The following AUTS2 variants were observed in gnomAD, a reference collection of about 807,000 sequenced individuals.
The protein encoded by AUTS2 is autism susceptibility gene 2 protein.
AUTS2 carries 17 observed loss-of-function variants against 112.4 expected under a neutral mutation model. That is an observed-to-expected ratio of 0.15 (90% CI 0.10 to 0.23). The LOEUF is 0.23. AUTS2 is among the 10% of genes least tolerant of loss of function. The pLI is 1.00. For missense variants in AUTS2, 1,510 were observed against 1,701.6 expected, an observed-to-expected ratio of 0.89 and a Z score of 1.98; for synonymous variants, 751 against 702.7, an observed-to-expected ratio of 1.07 and a Z score of -1.09.
intron 2 of AUTS2, among the ~76,000 whole-genome samples, chr7:70,110,256 C>T (rs1471251063): frequency 6.6e-6 from 1 of 152,210 alleles, no homozygotes; most frequent in Admixed American, 6.5e-5. Context: ...TGGCTCACGC[C>T]AGTAATCCCA....
chr7:69,640,305 C>G (rs760965132), intron 1 of AUTS2, among the ~76,000 whole-genome samples: 12 of 152,222 alleles, frequency 7.9e-5, no homozygotes, highest in Middle Eastern at 3.2e-3. Context: ...ACTTCTTGAT[C>G]TCCCCAGCCG....
chr7:69,814,510 C>CAGT (rs1200273267), intron 1 of AUTS2, among the ~76,000 whole-genome samples: 2 of 152,212 alleles, frequency 1.3e-5, no homozygotes, highest in Non-Finnish European at 2.9e-5. Context: ...CCCGCTGTAC[C>CAGT]AGTGGCCAGC....
At chr7:70,216,250 T>TG (rs1231367066) in intron 4 of AUTS2, among the ~76,000 whole-genome samples, 1 of 152,216 alleles carries the variant, frequency 6.6e-6, no homozygotes, top group Non-Finnish European at 1.5e-5. Context: ...ATGTTTAATC[T>TG]GGACAGAGTG....
chr7:70,404,301 T>C (rs1794443746), intron 4 of AUTS2, among the ~76,000 whole-genome samples: 1 of 152,218 alleles, frequency 6.6e-6, no homozygotes, highest in Non-Finnish European at 1.5e-5. Context: ...TGCTGGCTTG[T>C]CATCCAGTTT....
At chr7:70,303,029 G>T (rs1193603397) in intron 4 of AUTS2, among the ~76,000 whole-genome samples, 1 of 151,696 alleles carries the variant, frequency 6.6e-6, no homozygotes, top group African/African-American at 2.4e-5. Flanking sequence ...TGGCTGTGCA[G>T]AAGAGTTTAT....
At chr7:70,653,463 C>T (rs1401604457) in intron 5 of AUTS2, among the ~76,000 whole-genome samples, 1 of 152,134 alleles carries the variant, frequency 6.6e-6, no homozygotes, top group Admixed American at 6.5e-5. Flanking sequence ...AGTGGTTTGC[C>T]ACCATTACCA....
At chr7:69,614,249 A>T (rs991445497) in intron 1 of AUTS2, among the ~76,000 whole-genome samples, 2 of 152,126 alleles carry the variant, frequency 1.3e-5, no homozygotes, top group Non-Finnish European at 2.9e-5. Context: ...TGAATTTTCT[A>T]AAGATTTCTA....
chr7:70,311,157 C>T (rs1789731389), intron 4 of AUTS2, among the ~76,000 whole-genome samples: 1 of 152,164 alleles, frequency 6.6e-6, no homozygotes, highest in South Asian at 2.1e-4. Flanking sequence ...ATGGGACTTA[C>T]AAAGCCTATT....
intron 2 of AUTS2, among the ~76,000 whole-genome samples, chr7:70,044,727 A>G (rs1801424043): frequency 6.6e-6 from 1 of 152,214 alleles, no homozygotes. Flanking sequence ...TCATGTTGAT[A>G]GAGTCAGATT....
intron 1 of AUTS2, among the ~76,000 whole-genome samples, chr7:69,640,542 C>T (rs1794756701): frequency 6.6e-6 from 1 of 152,202 alleles, no homozygotes; most frequent in African/African-American, 2.4e-5. Flanking sequence ...TATTCCTTAC[C>T]TTCCATAGAA....
intron 2 of AUTS2, among the ~76,000 whole-genome samples, chr7:69,999,344 A>G (rs1255366554): frequency 2.0e-5 from 3 of 152,182 alleles, no homozygotes; most frequent in East Asian, 1.9e-4. Context: ...TTTAGGAAAC[A>G]TGCTTCATCT....
chr7:70,352,568 C>T (rs895502919), intron 4 of AUTS2, among the ~76,000 whole-genome samples: 1 of 151,988 alleles, frequency 6.6e-6, no homozygotes, highest in Non-Finnish European at 1.5e-5. Flanking sequence ...AGGAGGGAGT[C>T]AGCAGCAACA....
chr7:70,495,795 C>T (rs1169805873), intron 5 of AUTS2, among the ~76,000 whole-genome samples: 1 of 129,186 alleles, frequency 7.7e-6, no homozygotes, highest in Non-Finnish European at 1.6e-5. Flanking sequence ...CACACACACC[C>T]CACACATGCA....
intron 1 of AUTS2, among the ~76,000 whole-genome samples, chr7:69,674,143 A>G (rs1485782335): frequency 6.6e-6 from 1 of 152,224 alleles, no homozygotes; most frequent in Admixed American, 6.5e-5. Flanking sequence ...CAAGCCTGAA[A>G]AGAGTGCCAT....
chr7:70,512,430 G>A (rs1452670247), intron 5 of AUTS2, among the ~76,000 whole-genome samples: 4 of 152,102 alleles, frequency 2.6e-5, no homozygotes, highest in Admixed American at 6.6e-5. Flanking sequence ...AAAATTACCC[G>A]GGGGCCAGAA....
chr7:70,432,439 T>A (rs1317612016), intron 4 of AUTS2, among the ~76,000 whole-genome samples: 1 of 152,146 alleles, frequency 6.6e-6, no homozygotes, highest in African/African-American at 2.4e-5. Flanking sequence ...AGCTATACAG[T>A]GTATTAAATG....
chr7:69,918,863 T>C (rs1795696295), intron 2 of AUTS2, among the ~76,000 whole-genome samples: 1 of 152,214 alleles, frequency 6.6e-6, no homozygotes, highest in African/African-American at 2.4e-5. Flanking sequence ...CATTCCTTTT[T>C]GAAAAGCTTT....
intron 5 of AUTS2, among the ~76,000 whole-genome samples, chr7:70,514,675 G>A (rs529611307): frequency 5.6e-4 from 85 of 152,248 alleles, no homozygotes; most frequent in Middle Eastern, 6.8e-3. Flanking sequence ...CATCCAAAGC[G>A]TATCATGGGG....
intron 4 of AUTS2, among the ~76,000 whole-genome samples, chr7:70,260,663 G>A (rs1216501830): frequency 6.6e-5 from 10 of 151,924 alleles, no homozygotes; most frequent in African/African-American, 2.4e-4. Context: ...TTAAACGATA[G>A]CATATATATA....
Sources: gnomAD v4.1 joint callset for allele counts (sites outside exome capture counted in the v4.1 genomes callset) on GRCh38, gnomAD v4.1.1 for gene constraint, MANE v1.5 for transcripts, NCBI Gene and HGNC (gene_info 2026-07-23, HGNC 2026-07-21) for gene names.